Variants in KLHDC4 observed in about 807,000 individuals in gnomAD.
KLHDC4 encodes kelch domain-containing protein 4.
Under a neutral mutation model 62.4 loss-of-function variants are expected in KLHDC4, and 90 were observed. That is an observed-to-expected ratio of 1.44 (90% CI 1.22 to 1.72). The LOEUF (loss-of-function observed/expected upper bound fraction) is 1.72, where lower values mean the gene tolerates loss of function less well. KLHDC4 is among the 40% of genes most tolerant of loss of function. The probability of loss-of-function intolerance (pLI) is 0.00; values close to 1 mark genes in which losing one functional copy is unlikely to be tolerated. For missense variants in KLHDC4, 1,025 were observed against 699.7 expected, an observed-to-expected ratio of 1.47 and a Z score of -5.25; for synonymous variants, 386 against 284.4, an observed-to-expected ratio of 1.36 and a Z score of -3.59.
chr16:87,702,577 ACT>A lies in KLHDC4; in HGVS notation c.-65_-64del, dbSNP rs922219964. The A allele has an allele frequency of 1.2e-3, 393 of 332,578 alleles. 1 individual carries two copies. The highest frequency in any genetic ancestry group is 8.2e-3 in the African/African-American group (381 of 46,504). The allele number at this position is 332,578 out of a possible 1,614,324, so 20.6% of individuals were successfully genotyped here. A position where few individuals can be genotyped will look rare whatever the true frequency, so the allele number is the denominator to read the frequency against. On this transcript the variant is annotated 5_prime_UTR_variant, in exon 1 of 1. Transcript: ENST00000446344. ...ACGCTGAGCTGACCTCTCTAGCAGG[ACT>A]CTGCTCATCTGCACCATTTGCCATT...
chr16:87,748,795 A>G lies in KLHDC4; in HGVS notation c.384T>C (p.Pro128=). The G allele has an allele frequency of 6.2e-7, 1 of 1,612,164 alleles. No individual in the cohort carries two copies. The highest frequency in any genetic ancestry group is 8.5e-7 in the Non-Finnish European group (1 of 1,179,574). Residue 128 remains proline, a synonymous_variant, in exon 5 of 12, where the codon CCT becomes CCC. Coordinates refer to ENST00000270583, the MANE Select transcript of KLHDC4 (RefSeq NM_017566.4). ...RRCAHQAVVV[P]QGGGQLWVFG... ...AGACCCACAGCTGTCCGCCACCTTG[A>G]GGCACTACCACCGCCTGTGAAAAGA...
rs60869859 is a variant in KLHDC4 at position 87,722,198 on chromosome 16, T to C, written c.759+4567A>G. ...AAGTCATCATAGTCAAAGCACTAGC[T>C]GGACCCAGACTGACTCGGAATTTAT... On this transcript the variant is annotated intron_variant, in intron 7 of 11. Transcript: ENST00000270583. 7.1e-3 allele frequency among the ~76,000 whole-genome samples: 1,080 copies of C among 152,334 alleles called. 19 individuals are homozygous for C. The highest frequency in any genetic ancestry group is 0.025 in the African/African-American group (1,031 of 41,558).
chr16:87,747,361 T>G (rs1291804035), intron 5 of KLHDC4, among the ~76,000 whole-genome samples: 1 of 152,222 alleles, frequency 6.6e-6, no homozygotes, highest in Non-Finnish European at 1.5e-5. Flanking sequence ...AGCAAATCAG[T>G]AACAAGCGGG....
chr16:87,711,254 C>T lies in KLHDC4; in HGVS notation c.1025G>A (p.Trp342Ter), dbSNP rs1373879252. Residue 342 changes from tryptophan (W) to a stop codon, truncating the protein, a stop_gained, in exon 9 of 12, where the codon TGG (tryptophan) becomes TAG (stop). Transcript: ENST00000270583. LOFTEE classifies it high-confidence loss of function. Reference sequence around the variant, plus strand: ...CACTACCTTCAGCTGTCCCTCAAACCAACGGTTCCTGGTGGCGTCGTAGAA... The same window carrying T: ...CACTACCTTCAGCTGTCCCTCAAACTAACGGTTCCTGGTGGCGTCGTAGAA... ...LYFYDATRNRWFEGQLKGPKS... is the reference protein window; with the variant it reads ...LYFYDATRNR The T allele has an allele frequency of 1.2e-6, 2 of 1,614,130 alleles. No individual in the cohort carries two copies. The highest frequency in any genetic ancestry group is 1.7e-6 in the Non-Finnish European group (2 of 1,180,030).
exon 1 of KLHDC4, chr16:87,702,241 G>C (rs770148040): frequency 2.2e-6 from 1 of 456,344 alleles, no homozygotes; most frequent in South Asian, 1.5e-5. Context: ...CCTCCACAGT[G>C]GCTCTGCCAG....
intron 8 of KLHDC4, 52 bp downstream of exon 8, chr16:87,714,446 C>T (rs1297778969): frequency 1.3e-5 from 21 of 1,594,670 alleles, no homozygotes; most frequent in Non-Finnish European, 1.5e-5. Flanking sequence ...GGCTCTGCCT[C>T]CCGCCACACA....
intron 3 of KLHDC4, 149 bp from the exon 4 acceptor site, chr16:87,755,441 C>G (rs2044723060): frequency 1.9e-6 from 1 of 534,536 alleles, no homozygotes; most frequent in Non-Finnish European, 3.4e-6. Flanking sequence ...GGGCTGGGTC[C>G]CCGGGGCCAT....
chr16:87,730,788 C>T, intron 5 of KLHDC4, 144 bp from the exon 6 acceptor site: 1 of 679,772 alleles, frequency 1.5e-6, no homozygotes, highest in Non-Finnish European at 2.5e-6. Context: ...ACCATTTAAT[C>T]TGATCTATCA....
exon 1 of KLHDC4, chr16:87,701,771 C>T (rs1433354141): frequency 4.4e-6 from 2 of 456,798 alleles, no homozygotes; most frequent in Non-Finnish European, 4.4e-6. Flanking sequence ...GCGTGCACAC[C>T]CGTCCGCCAT....
At position 87,711,355 on chromosome 16, in the gene KLHDC4, C is replaced by A. The variant is rs773057745; in HGVS notation, c.924G>T (p.Gln308His). Residue 308 changes from glutamine (Q) to histidine (H), a missense_variant, in exon 9 of 12, where the codon CAG becomes CAT. Transcript: ENST00000270583. Reference protein sequence around the residue: ...GFSVAMAPNHQTLFFGGVCDE... With the variant: ...GFSVAMAPNHHTLFFGGVCDE... ...CACAGACACCCCCGAAGAACAGTGT[C>A]TGGTGATTCGGGGCCATGGCCACGG... The A allele has an allele frequency of 5.6e-6, 9 of 1,613,838 alleles. No homozygotes were observed. The highest frequency in any genetic ancestry group is 7.6e-6 in the Non-Finnish European group (9 of 1,180,038).
chr16:87,720,972 T>C (rs990309630), intron 7 of KLHDC4, among the ~76,000 whole-genome samples: 1 of 152,242 alleles, frequency 6.6e-6, no homozygotes, highest in Non-Finnish European at 1.5e-5. Context: ...GACAAGGCCC[T>C]GCCTGCTTCC....
At chr16:87,722,886 C>T (rs1005007396) in intron 7 of KLHDC4, among the ~76,000 whole-genome samples, 3 of 152,242 alleles carry the variant, frequency 2.0e-5, no homozygotes, top group Non-Finnish European at 4.4e-5. Flanking sequence ...CCTCTACTTG[C>T]TCAGTGAAAT....
chr16:87,705,041 G>T (rs551560629), downstream of KLHDC4, among the ~76,000 whole-genome samples: 1 of 152,162 alleles, frequency 6.6e-6, no homozygotes, highest in Non-Finnish European at 1.5e-5. Flanking sequence ...CCCCTGGTAC[G>T]CCCGCCCACC....
chr16:87,753,196 C>T (rs368377682), intron 4 of KLHDC4, among the ~76,000 whole-genome samples: 2 of 152,130 alleles, frequency 1.3e-5, no homozygotes, highest in Non-Finnish European at 2.9e-5. Context: ...TGCACGGGGG[C>T]GTCCCCTGGA....
chr16:87,701,714 C>T (rs1219068822), exon 1 of KLHDC4: 4 of 456,662 alleles, frequency 8.8e-6, no homozygotes, highest in East Asian at 6.9e-5. Flanking sequence ...CCTTCTCGTG[C>T]GCCCATGCCA....
At chr16:87,718,312 T>TCCCTCC (rs1567684916) in intron 7 of KLHDC4, among the ~76,000 whole-genome samples, 20 of 10,172 alleles carry the variant, frequency 2.0e-3, no homozygotes, top group Non-Finnish European at 3.5e-3. Flanking sequence ...CCTCCCCCTC[T>TCCCTCC]CCCTCCCCCT....
intron 5 of KLHDC4, chr16:87,739,869 C>T (rs2041984484): frequency 6.6e-6 from 1 of 152,224 alleles, no homozygotes; most frequent in Non-Finnish European, 1.5e-5. Context: ...GTTTTTCTTT[C>T]TGGGGGATGA....
intron 1 of KLHDC4, among the ~76,000 whole-genome samples, chr16:87,764,789 T>C (rs1315632938): frequency 7.3e-6 from 1 of 137,222 alleles, no homozygotes; most frequent in Non-Finnish European, 1.5e-5. Flanking sequence ...CAGCAGGTCA[T>C]GCCACTGCAG....
intron 5 of KLHDC4, among the ~76,000 whole-genome samples, chr16:87,738,836 G>C (rs1479968797): frequency 1.2e-5 from 1 of 81,834 alleles, no homozygotes; most frequent in African/African-American, 5.5e-5. Flanking sequence ...CCACACACCA[G>C]CACCTCATCC....
Sources: gnomAD v4.1 joint callset for allele counts (sites outside exome capture counted in the v4.1 genomes callset) on GRCh38, gnomAD v4.1.1 for gene constraint, MANE v1.5 for transcripts, NCBI Gene and HGNC (gene_info 2026-07-23, HGNC 2026-07-21) for gene names.